ZNF644: variants seen among roughly 807,000 people sequenced by gnomAD.
ZNF644 encodes the protein zinc finger protein 644.
ZNF644 carries 20 observed loss-of-function variants against 108.0 expected under a neutral mutation model. The ratio of observed to expected loss-of-function variants is 0.19; its 90% CI spans 0.13 to 0.27. The LOEUF (loss-of-function observed/expected upper bound fraction) is 0.27, where lower values mean the gene tolerates loss of function less well. Among genes scored for constraint, ZNF644 ranks in the 10% least tolerant of loss-of-function variants. The probability of loss-of-function intolerance (pLI) is 1.00; values close to 1 mark genes in which losing one functional copy is unlikely to be tolerated. For missense variants in ZNF644, 1,338 were observed against 1,548.9 expected (o/e 0.86, Z 2.29); for synonymous variants, 542 against 539.1 (o/e 1.01, Z -0.08).
Position 90,916,639 on chromosome 1 carries a change from CTGTTT to C in ZNF644, c.*154_*158del. On this transcript the variant is annotated 3_prime_UTR_variant, in exon 6 of 6. Coordinates refer to ENST00000337393, the MANE Select transcript of ZNF644 (RefSeq NM_201269.3). Reference sequence around the variant, plus strand: ...CTATATAAAATATATAGACTACTTACTGTTTTAAGTATTCAATTTGCTCTGATGTC... The same window carrying C: ...CTATATAAAATATATAGACTACTTACTAAGTATTCAATTTGCTCTGATGTC... 3 of 739,498 alleles carry C rather than the reference CTGTTT, an allele frequency of 4.1e-6. No homozygotes were observed. The South Asian group carries it at 5.3e-5, about 13-fold the overall frequency. The allele number at this position is 739,498 out of a possible 1,614,324, so 45.8% of individuals were successfully genotyped here.
intron 1 of ZNF644, chr1:91,020,342 T>C (rs1044171327): frequency 1.3e-5 from 2 of 152,202 alleles, no homozygotes; most frequent in African/African-American, 2.4e-5. Flanking sequence ...TAAATATCCC[T>C]CCAACCAAGG....
At chr1:90,978,412 A>G (rs1409190873) in intron 2 of ZNF644, among the ~76,000 whole-genome samples, 1 of 152,148 alleles carries the variant, frequency 6.6e-6, no homozygotes, top group Non-Finnish European at 1.5e-5. Context: ...TACAGCTGGA[A>G]AGGGTCAATG....
In ZNF644 at chr1:90,996,790, A is replaced by T. The variant is rs565620489; in HGVS notation, c.-17-14420T>A. Reference sequence around the variant, plus strand: ...GCCAGGCCCCACTGCTTTATAACTAAAAACAAAAACCCAACAGCCTGGCAG... The same window carrying T: ...GCCAGGCCCCACTGCTTTATAACTATAAACAAAAACCCAACAGCCTGGCAG... On this transcript the variant is annotated intron_variant, in intron 1 of 5. Coordinates refer to ENST00000337393, the MANE Select transcript of ZNF644 (RefSeq NM_201269.3). 2.6e-5 allele frequency among the ~76,000 whole-genome samples: 4 copies of T among 152,264 alleles called. No individual in the cohort carries two copies. The East Asian group carries it at 5.8e-4, about 22-fold the overall frequency.
chr1:90,975,635 A>T (rs1020616056), intron 2 of ZNF644, among the ~76,000 whole-genome samples: 1 of 152,054 alleles, frequency 6.6e-6, no homozygotes, highest in African/African-American at 2.4e-5. Context: ...GTAGAGACAG[A>T]GTTTCACCAC....
intron 2 of ZNF644, among the ~76,000 whole-genome samples, chr1:90,946,912 A>C (rs141683990): frequency 1.0e-3 from 159 of 152,244 alleles, no homozygotes; most frequent in African/African-American, 3.6e-3. Flanking sequence ...ACCAGACCAT[A>C]AACACCTAAT....
At chr1:90,923,804 A>C (rs951236327) in intron 4 of ZNF644, among the ~76,000 whole-genome samples, 1 of 152,128 alleles carries the variant, frequency 6.6e-6, no homozygotes, top group Non-Finnish European at 1.5e-5. Flanking sequence ...TTGCTTTAAG[A>C]ATTAGGTTTG....
At chr1:90,932,781 T>C (rs375163146) in intron 4 of ZNF644, among the ~76,000 whole-genome samples, 18 of 152,116 alleles carry the variant, frequency 1.2e-4, no homozygotes, top group African/African-American at 4.3e-4. Context: ...TTTTTTTTAA[T>C]GAGGGAAAAA....
intron 1 of ZNF644, among the ~76,000 whole-genome samples, chr1:90,996,231 A>G (rs1434717599): frequency 6.6e-6 from 1 of 152,242 alleles, no homozygotes; most frequent in Non-Finnish European, 1.5e-5. Flanking sequence ...AATAATTTAA[A>G]ACTCCCAAAA....
chr1:91,012,471 C>T lies in ZNF644; in HGVS notation c.-18+9519G>A, dbSNP rs956513747. ...CCAGCTAGGGTGACAGACTGAGACC[C>T]TGTCTCAAAAGAAAAAAAAAGGAAG... is the stretch of plus-strand genomic sequence containing the variant. On this transcript the variant is annotated intron_variant, in intron 1 of 5. Transcript: ENST00000337393. Among the ~76,000 whole-genome samples, 11 of 151,304 alleles carry T rather than the reference C, an allele frequency of 7.3e-5. No individual in the cohort carries two copies. In the South Asian group the frequency reaches 1.9e-3, roughly 26 times the overall value.
chr1:90,966,902 C>T (rs372111485), intron 2 of ZNF644, among the ~76,000 whole-genome samples: 19 of 152,132 alleles, frequency 1.2e-4, no homozygotes, highest in Middle Eastern at 3.4e-3. Context: ...TTTGTGACTA[C>T]TTTTTTGTTC....
intron 1 of ZNF644, among the ~76,000 whole-genome samples, chr1:90,992,189 A>C (rs147098380): frequency 0.013 from 1,938 of 152,284 alleles, 34 homozygotes; most frequent in African/African-American, 0.041. Flanking sequence ...TTGAAACTAA[A>C]GGGTATGTTG....
intron 1 of ZNF644, among the ~76,000 whole-genome samples, chr1:90,990,304 T>C (rs1657517526): frequency 6.6e-6 from 1 of 152,228 alleles, no homozygotes; most frequent in South Asian, 2.1e-4. Context: ...TTTACTGTTA[T>C]GTGTTTTTTA....
At chr1:90,924,790 T>C (rs1208634916) in intron 4 of ZNF644, among the ~76,000 whole-genome samples, 1 of 151,958 alleles carries the variant, frequency 6.6e-6, no homozygotes, top group Non-Finnish European at 1.5e-5. Flanking sequence ...TACAATTAAA[T>C]ACATAAACCT....
intron 4 of ZNF644, among the ~76,000 whole-genome samples, chr1:90,920,802 T>A (rs531080021): frequency 3.0e-4 from 46 of 152,202 alleles, no homozygotes; most frequent in African/African-American, 1.1e-3. Context: ...TAGAAACTTA[T>A]TCACAAAGTT....
chr1:90,966,747 CAAAAAAAA>C (rs67549954), intron 2 of ZNF644, among the ~76,000 whole-genome samples: 7 of 73,916 alleles, frequency 9.5e-5, no homozygotes, highest in Middle Eastern at 6.4e-3. Flanking sequence ...GACTCAGTCT[CAAAAAAAA>C]AAAAAAAAAA....
At chr1:90,931,895 T>C (rs1650766742) in intron 4 of ZNF644, among the ~76,000 whole-genome samples, 1 of 152,168 alleles carries the variant, frequency 6.6e-6, no homozygotes. Flanking sequence ...ATCTCTCCTT[T>C]CTCAATTTGC....
At chr1:90,920,163 G>A (rs1323079497) in intron 4 of ZNF644, among the ~76,000 whole-genome samples, 1 of 152,004 alleles carries the variant, frequency 6.6e-6, no homozygotes, top group African/African-American at 2.4e-5. Context: ...CATCTGTAAA[G>A]ATGGATCCTT....
At chr1:90,979,644 T>C (rs1656359476) in intron 2 of ZNF644, among the ~76,000 whole-genome samples, 1 of 152,172 alleles carries the variant, frequency 6.6e-6, no homozygotes, top group African/African-American at 2.4e-5. Context: ...ATCCTAACAG[T>C]TTTTTACCTT....
intron 2 of ZNF644, among the ~76,000 whole-genome samples, chr1:90,945,125 T>G (rs1163350958): frequency 2.6e-5 from 4 of 152,088 alleles, no homozygotes; most frequent in Non-Finnish European, 4.4e-5. Context: ...AGGAACGTAT[T>G]TGAAGGTGGG....
Sources: allele counts gnomAD v4.1 joint callset (sites outside exome capture counted in the v4.1 genomes callset), GRCh38; gene constraint gnomAD v4.1.1; transcripts MANE v1.5; gene names NCBI Gene and HGNC (gene_info 2026-07-23, HGNC 2026-07-21).